The following SYNCRIP variants were observed in gnomAD, a reference collection of about 807,000 sequenced individuals.
SYNCRIP encodes the protein heterogeneous nuclear ribonucleoprotein Q.
A neutral mutation model predicts 68.9 loss-of-function variants in SYNCRIP; 9 were observed. The observed-to-expected ratio is 0.13, with a 90% CI of 0.08 to 0.23. The LOEUF is 0.23. Ranked by LOEUF, SYNCRIP falls within the 10% of genes least tolerant of loss-of-function variation. The probability of loss-of-function intolerance (pLI) is 1.00; values close to 1 mark genes in which losing one functional copy is unlikely to be tolerated. For synonymous variants in SYNCRIP, 258 were observed against 254.0 expected (o/e 1.02, Z -0.15); for missense variants, 414 against 770.6 (o/e 0.54, Z 5.48).
chr6:85,641,665 C>A (rs1263748883), intron 1 of SYNCRIP, among the ~76,000 whole-genome samples: 4 of 152,140 alleles, frequency 2.6e-5, no homozygotes, highest in Non-Finnish European at 4.4e-5. Flanking sequence ...CAGCACCACC[C>A]CTGACTCACC....
At chr6:85,636,172 T>C (rs1808424639) in intron 6 of SYNCRIP, among the ~76,000 whole-genome samples, 1 of 152,138 alleles carries the variant, frequency 6.6e-6, no homozygotes, top group African/African-American at 2.4e-5. Flanking sequence ...TAGCCAGGCG[T>C]GGTGGCTCAC....
chr6:85,631,043 T>C (rs1583292407), intron 6 of SYNCRIP, among the ~76,000 whole-genome samples: 1 of 152,190 alleles, frequency 6.6e-6, no homozygotes, highest in East Asian at 1.9e-4. Flanking sequence ...AGCCTTAAAA[T>C]GATAATGGCC....
chr6:85,632,842 C>T (rs1184165580), intron 6 of SYNCRIP, among the ~76,000 whole-genome samples: 4 of 152,186 alleles, frequency 2.6e-5, no homozygotes, highest in African/African-American at 9.6e-5. Context: ...GAAGCTGAGG[C>T]AGGAGGATCA....
Position 85,637,351 on chromosome 6 carries a change from G to C in SYNCRIP, c.381C>G (p.Leu127=). ...KGPDEAKIKA[L]LERTGYTLDV... is the part of the protein sequence containing the mutation. Reference sequence around the variant, plus strand: ...CAAGTGTGTAGCCTGTTCTTTCCAAGAGTGCCTTGAAAAGTTCAAACGTCA... The same window carrying C: ...CAAGTGTGTAGCCTGTTCTTTCCAACAGTGCCTTGAAAAGTTCAAACGTCA... The change falls in exon 5 of 11, where the codon CTC becomes CTG. Residue 127 remains leucine (L), a synonymous_variant. Transcript: ENST00000369622. 1 of 1,608,498 alleles carries C rather than the reference G, an allele frequency of 6.2e-7. No individual in the cohort carries two copies. Among genetic ancestry groups the C allele is most frequent in the Non-Finnish European group, 8.5e-7 (1 of 1,178,052 alleles).
chr6:85,619,535 T>C, intron 8 of SYNCRIP, 118 bp from the exon 9 acceptor site: 1 of 717,754 alleles, frequency 1.4e-6, no homozygotes, highest in South Asian at 2.8e-5. Flanking sequence ...TGTCAGAATA[T>C]AAAAAAAAAA....
At chr6:85,627,697 CAA>C (rs1289421224) in intron 6 of SYNCRIP, among the ~76,000 whole-genome samples, 1 of 152,120 alleles carries the variant, frequency 6.6e-6, no homozygotes, top group Non-Finnish European at 1.5e-5. Context: ...CACACACACA[CAA>C]AAAGTCTTAT....
intron 6 of SYNCRIP, among the ~76,000 whole-genome samples, chr6:85,634,953 TG>T (rs1808277763): frequency 6.6e-6 from 1 of 152,104 alleles, no homozygotes; most frequent in Non-Finnish European, 1.5e-5. Context: ...GCAGATTACT[TG>T]AGGTCTGGAG....
chr6:85,615,796 C>T (rs1011102446), intron 10 of SYNCRIP, among the ~76,000 whole-genome samples: 2 of 151,976 alleles, frequency 1.3e-5, no homozygotes, highest in African/African-American at 2.4e-5. Flanking sequence ...GGTGACAGAG[C>T]GAGACTCTGA....
intron 10 of SYNCRIP, among the ~76,000 whole-genome samples, chr6:85,616,191 CTACAG>C (rs1057158061): frequency 7.2e-5 from 11 of 152,298 alleles, no homozygotes; most frequent in South Asian, 2.1e-4. Flanking sequence ...CTCATGTTCC[CTACAG>C]TACAATTTTA....
At chr6:85,619,440 CT>C in intron 8 of SYNCRIP, 23 bp from the exon 9 acceptor site, 2 of 1,599,676 alleles carry the variant, frequency 1.3e-6, no homozygotes, top group Non-Finnish European at 1.7e-6. Flanking sequence ...AAATACCCCC[CT>C]GTATTATTTC....
At chr6:85,636,341 G>A (rs1041873929) in intron 6 of SYNCRIP, among the ~76,000 whole-genome samples, 1 of 151,996 alleles carries the variant, frequency 6.6e-6, no homozygotes, top group East Asian at 1.9e-4. Context: ...AGCTACTCGG[G>A]AGGCTGAGGC....
chr6:85,635,996 T>C (rs1481923395), intron 6 of SYNCRIP, among the ~76,000 whole-genome samples: 1 of 152,148 alleles, frequency 6.6e-6, no homozygotes, highest in African/African-American at 2.4e-5. Context: ...TGAGCTATCT[T>C]GTACAAAAGT....
At chr6:85,637,456 T>A in intron 4 of SYNCRIP, 100 bp from the exon 5 acceptor site, 1 of 758,714 alleles carries the variant, frequency 1.3e-6, no homozygotes, top group Non-Finnish European at 2.1e-6. Context: ...CCAATTATCT[T>A]GGCATGTTCC....
rs71003000 is a variant in SYNCRIP at position 85,631,339 on chromosome 6, C to CAAAAA, written c.666+5623_666+5627dup. ...GGGTGACAAAGCATGACTGTGTCTC[C>CAAAAA]AAAAAAAAAAAAAAAAGGCCATGGC... On this transcript the variant is annotated intron_variant, in intron 6 of 10. Coordinates refer to ENST00000369622, the MANE Select transcript of SYNCRIP (RefSeq NM_006372.5). 2.2e-4 allele frequency among the ~76,000 whole-genome samples: 20 copies of CAAAAA among 91,800 alleles called. 1 individual carries two copies. Among genetic ancestry groups the CAAAAA allele is most frequent in the South Asian group, 8.6e-4 (2 of 2,318 alleles). 60.2% of individuals were successfully genotyped at this position (91,800 alleles called of 152,430 possible). A position where few individuals can be genotyped will look rare whatever the true frequency, so the allele number is the denominator to read the frequency against.
chr6:85,641,407 A>G lies in SYNCRIP; in HGVS notation c.33T>C (p.Thr11=). 6.2e-7 allele frequency: 1 copy of G among 1,613,774 alleles called. No homozygotes were observed. The highest frequency in any genetic ancestry group is 8.5e-7 in the Non-Finnish European group (1 of 1,180,014). MATEHVNGNG[T]EEPMDTTSAV... is the part of the protein sequence containing the mutation. Reference sequence around the variant, plus strand: ...CAGAAGTAGTATCCATGGGCTCTTCAGTACCATTTCCATTAACATGTTCTG... The same window carrying G: ...CAGAAGTAGTATCCATGGGCTCTTCGGTACCATTTCCATTAACATGTTCTG... Residue 11 remains threonine (T), a synonymous_variant, in exon 2 of 11, where the codon ACT becomes ACC. Transcript: ENST00000369622.
intron 1 of SYNCRIP, among the ~76,000 whole-genome samples, 173 bp downstream of exon 1, chr6:85,642,624 G>A (rs569929827): frequency 1.4e-4 from 22 of 152,340 alleles, no homozygotes; most frequent in East Asian, 3.9e-4. Context: ...TGGAAAGGAG[G>A]AAGTGGCGGC....
chr6:85,623,581 A>AAAAAAAAAAAAC (rs1562087833), intron 7 of SYNCRIP, among the ~76,000 whole-genome samples: 2 of 150,912 alleles, frequency 1.3e-5, no homozygotes, highest in Non-Finnish European at 2.9e-5. Context: ...AAAAAAAAAA[A>AAAAAAAAAAAAC]AACACTCTGC....
chr6:85,637,854 GA>G (rs1158771508), intron 4 of SYNCRIP, among the ~76,000 whole-genome samples: 3 of 151,640 alleles, frequency 2.0e-5, no homozygotes, highest in Admixed American at 1.3e-4. Context: ...GAGCTACAGG[GA>G]AAAAAAATCT....
At chr6:85,640,688 A>G (rs1230915275) in intron 2 of SYNCRIP, 124 bp from the exon 3 acceptor site, 3 of 275,276 alleles carry the variant, frequency 1.1e-5, no homozygotes, top group Admixed American at 5.9e-5. Context: ...TCTATACCTG[A>G]AAAAAAAAAA....
Sources: allele counts gnomAD v4.1 joint callset (sites outside exome capture counted in the v4.1 genomes callset), GRCh38; gene constraint gnomAD v4.1.1; transcripts MANE v1.5; gene names NCBI Gene and HGNC (gene_info 2026-07-23, HGNC 2026-07-21).